Variants in SH3GL3 observed in about 807,000 individuals in gnomAD.
The protein encoded by SH3GL3 is SH3 domain containing GRB2 like 3, endophilin A3.
In SH3GL3, 33 loss-of-function variants were observed where a neutral mutation model predicts 47.7. The ratio of observed to expected loss-of-function variants is 0.69; its 90% CI spans 0.52 to 0.92. SH3GL3 has a LOEUF of 0.92. Among genes scored for constraint, SH3GL3 ranks in the 40% least tolerant of loss-of-function variants. The pLI, the probability that SH3GL3 is intolerant of heterozygous loss-of-function variation, is 0.00. For missense variants in SH3GL3, 363 were observed against 417.8 expected (o/e 0.87, Z 1.14); for synonymous variants, 155 against 148.8 (o/e 1.04, Z -0.30).
intron 8 of SH3GL3, among the ~76,000 whole-genome samples, chr15:83,594,975 A>T (rs112418511): frequency 9.2e-5 from 14 of 152,328 alleles, no homozygotes; most frequent in African/African-American, 3.4e-4. Context: ...CAGAACTATC[A>T]TTTGACCCAG....
intron 1 of SH3GL3, among the ~76,000 whole-genome samples, chr15:83,492,322 G>A (rs888875523): frequency 6.7e-6 from 1 of 150,326 alleles, no homozygotes; most frequent in Non-Finnish European, 1.5e-5. Flanking sequence ...TGGACGATAA[G>A]GGGTTCATAT....
intron 8 of SH3GL3, among the ~76,000 whole-genome samples, chr15:83,609,675 C>G (rs1252452301): frequency 6.6e-6 from 1 of 152,166 alleles, no homozygotes; most frequent in Non-Finnish European, 1.5e-5. Flanking sequence ...GGAGCAAGCA[C>G]AGTGGGCTCC....
intron 1 of SH3GL3, among the ~76,000 whole-genome samples, chr15:83,532,490 G>A (rs1567309330): frequency 6.6e-6 from 1 of 152,154 alleles, no homozygotes; most frequent in Admixed American, 6.5e-5. Flanking sequence ...TTTCAAGGTG[G>A]GAGTGGACAG....
intron 8 of SH3GL3, chr15:83,609,610 A>G (rs2060612217): frequency 4.2e-6 from 1 of 239,310 alleles, no homozygotes; most frequent in South Asian, 4.9e-5. Context: ...TTCAGTGGGG[A>G]TGCTCTGACC....
chr15:83,620,284 A>G (rs1048485900), downstream of SH3GL3, among the ~76,000 whole-genome samples: 2 of 152,150 alleles, frequency 1.3e-5, no homozygotes, highest in South Asian at 2.1e-4. Context: ...ATGAATCACA[A>G]ATGTTCTTAA....
chr15:83,502,412 C>T (rs879675067), intron 1 of SH3GL3, among the ~76,000 whole-genome samples: 1 of 152,274 alleles, frequency 6.6e-6, no homozygotes, highest in Non-Finnish European at 1.5e-5. Context: ...TCCACACCCA[C>T]GTGTGCATAC....
chr15:83,495,188 TC>T (rs1295060491), intron 1 of SH3GL3, among the ~76,000 whole-genome samples: 2 of 152,152 alleles, frequency 1.3e-5, no homozygotes, highest in Non-Finnish European at 2.9e-5. Context: ...TGGTGCTATT[TC>T]CCTTACCCTT....
At chr15:83,554,796 T>C (rs906841464) in intron 1 of SH3GL3, among the ~76,000 whole-genome samples, 1 of 152,240 alleles carries the variant, frequency 6.6e-6, no homozygotes, top group African/African-American at 2.4e-5. Flanking sequence ...GGATGTTTTT[T>C]CCCCTGCGAT....
intron 6 of SH3GL3, among the ~76,000 whole-genome samples, chr15:83,583,641 AATC>A (rs1453594194): frequency 6.6e-6 from 1 of 152,174 alleles, no homozygotes; most frequent in East Asian, 1.9e-4. Context: ...ATATGCTGCT[AATC>A]ATCCATTGGT....
chr15:83,512,740 G>A (rs2042819020), intron 1 of SH3GL3, among the ~76,000 whole-genome samples: 1 of 151,610 alleles, frequency 6.6e-6, no homozygotes, highest in African/African-American at 2.4e-5. Flanking sequence ...GACTCTCAAT[G>A]TAGTCAGCGC....
At chr15:83,605,852 A>G (rs2151836577) in intron 8 of SH3GL3, among the ~76,000 whole-genome samples, 1 of 152,270 alleles carries the variant, frequency 6.6e-6, no homozygotes, top group African/African-American at 2.4e-5. Flanking sequence ...AACATCCTTG[A>G]GTTGAAACAT....
chr15:83,547,476 A>C (rs1051104966), intron 1 of SH3GL3, among the ~76,000 whole-genome samples: 17 of 152,154 alleles, frequency 1.1e-4, no homozygotes, highest in Non-Finnish European at 2.1e-4. Context: ...GCAATTCAAA[A>C]CTATCATTCC....
chr15:83,552,076 A>G (rs1425718982), intron 1 of SH3GL3, among the ~76,000 whole-genome samples: 2 of 152,082 alleles, frequency 1.3e-5, no homozygotes, highest in African/African-American at 4.8e-5. Context: ...CTGCATCTCT[A>G]TTACAGAATA....
intron 1 of SH3GL3, among the ~76,000 whole-genome samples, chr15:83,519,864 T>C (rs952042705): frequency 6.6e-6 from 1 of 152,232 alleles, no homozygotes; most frequent in Admixed American, 6.5e-5. Flanking sequence ...TTATTTCATC[T>C]TCTAAAGCTT....
At chr15:83,465,132 A>G (rs2040510823) in intron 1 of SH3GL3, among the ~76,000 whole-genome samples, 1 of 151,678 alleles carries the variant, frequency 6.6e-6, no homozygotes, top group Non-Finnish European at 1.5e-5. Context: ...CAACGTGGTG[A>G]AACCCCGTCT....
At chr15:83,567,712 G>C (rs77847383) in intron 3 of SH3GL3, among the ~76,000 whole-genome samples, 27,435 of 152,152 alleles carry the variant, frequency 0.18, 3,087 homozygotes, top group Admixed American at 0.25. Flanking sequence ...GTGTGTGTGT[G>C]TGTGCGTGCG....
At chr15:83,611,407 G>T (rs368569353) in intron 8 of SH3GL3, 1 of 152,046 alleles carries the variant, frequency 6.6e-6, no homozygotes, top group South Asian at 2.1e-4. Flanking sequence ...CTCACGTTTC[G>T]TTGAAGCCAG....
intron 6 of SH3GL3, among the ~76,000 whole-genome samples, chr15:83,580,098 G>A (rs1437898654): frequency 6.6e-6 from 1 of 152,212 alleles, no homozygotes; most frequent in Non-Finnish European, 1.5e-5. Context: ...GGCCAGAGCT[G>A]GTGGCCTTGT....
chr15:83,631,324 G>T, the SH3GL3 span, among the ~76,000 whole-genome samples: 1 of 152,178 alleles, frequency 6.6e-6, no homozygotes, highest in African/African-American at 2.4e-5. Flanking sequence ...GGATTCTGGA[G>T]TCTGAAGAAT....
Sources: gnomAD v4.1 joint callset for allele counts (sites outside exome capture counted in the v4.1 genomes callset) on GRCh38, gnomAD v4.1.1 for gene constraint, MANE v1.5 for transcripts, NCBI Gene and HGNC (gene_info 2026-07-23, HGNC 2026-07-21) for gene names.